FYB1: variants seen among roughly 807,000 people sequenced by gnomAD.
The protein encoded by FYB1 is FYN-binding protein 1.
Under a neutral mutation model 94.1 loss-of-function variants are expected in FYB1, and 41 were observed. That is an observed-to-expected ratio of 0.44 (90% confidence interval 0.34 to 0.57). The LOEUF (loss-of-function observed/expected upper bound fraction) is 0.57, where lower values mean the gene tolerates loss of function less well. Ranked by LOEUF, FYB1 falls within the 20% of genes least tolerant of loss-of-function variation. The pLI is 0.02. For synonymous variants in FYB1, 367 were observed against 353.2 expected (o/e 1.04, Z -0.44); for missense variants, 1,050 against 976.8 (o/e 1.07, Z -1.00).
At chr5:39,201,571 A>G (rs1372668416) in intron 2 of FYB1, among the ~76,000 whole-genome samples, 2 of 152,212 alleles carry the variant, frequency 1.3e-5, no homozygotes. Context: ...CCACGTATCA[A>G]TGAAGTGGAT....
At chr5:39,266,133 G>A (rs556981087) in intron 1 of FYB1, among the ~76,000 whole-genome samples, 5 of 152,236 alleles carry the variant, frequency 3.3e-5, no homozygotes, top group Non-Finnish European at 7.4e-5. Flanking sequence ...TTATTCTATT[G>A]TTTTCATTTT....
chr5:39,115,077 C>G (rs1739401675), intron 16 of FYB1, among the ~76,000 whole-genome samples: 1 of 149,858 alleles, frequency 6.7e-6, no homozygotes, highest in Non-Finnish European at 1.5e-5. Flanking sequence ...AATAAAGTAG[C>G]ATAGTAGGAT....
At chr5:39,197,094 A>G (rs1359127079) in intron 2 of FYB1, among the ~76,000 whole-genome samples, 3 of 152,214 alleles carry the variant, frequency 2.0e-5, no homozygotes, top group Admixed American at 6.5e-5. Flanking sequence ...TGAAAACAGT[A>G]TTAGTTTAAA....
At chr5:39,128,428 G>A (rs1266763977) in intron 10 of FYB1, among the ~76,000 whole-genome samples, 1 of 152,062 alleles carries the variant, frequency 6.6e-6, no homozygotes, top group Non-Finnish European at 1.5e-5. Flanking sequence ...TTGACTTTTA[G>A]TATGAGAACT....
At chr5:39,199,483 T>C (rs2150487302) in intron 2 of FYB1, among the ~76,000 whole-genome samples, 1 of 152,326 alleles carries the variant, frequency 6.6e-6, no homozygotes, top group African/African-American at 2.4e-5. Context: ...CACAAATTGT[T>C]AAATTGATTA....
chr5:39,150,437 T>C (rs1743141340), intron 3 of FYB1, among the ~76,000 whole-genome samples: 1 of 152,268 alleles, frequency 6.6e-6, no homozygotes, highest in African/African-American at 2.4e-5. Context: ...TTTAGTTCTT[T>C]TTGTTTATAA....
At chr5:39,112,560 T>G (rs1739167288) in intron 16 of FYB1, among the ~76,000 whole-genome samples, 1 of 152,070 alleles carries the variant, frequency 6.6e-6, no homozygotes, top group Admixed American at 6.6e-5. Flanking sequence ...TAATCACCAT[T>G]TTTAGAAATT....
chr5:39,139,442 G>A (rs1741957559), intron 4 of FYB1, 190 bp from the exon 5 acceptor site: 1 of 413,478 alleles, frequency 2.4e-6, no homozygotes, highest in Admixed American at 4.5e-5. Context: ...ATTTGTGCTG[G>A]TGACTTAATT....
chr5:39,140,073 T>C (rs1052017114), intron 4 of FYB1: 2 of 152,156 alleles, frequency 1.3e-5, no homozygotes, highest in Non-Finnish European at 2.9e-5. Context: ...AATGAGAACA[T>C]TTTTATTTTC....
intron 1 of FYB1, among the ~76,000 whole-genome samples, chr5:39,212,112 C>T (rs1749448944): frequency 1.3e-5 from 2 of 152,054 alleles, no homozygotes; most frequent in Admixed American, 6.6e-5. Context: ...TTGAGGCTAG[C>T]CTGGGCAACA....
rs146558242 is a variant in FYB1, at chr5:39,237,882, G to A, written c.-27-34895C>T. On this transcript the variant is annotated intron_variant, in intron 1 of 1. Transcript: ENST00000510188. ...GGCTAAAGCATCACTCAGGGAATGC[G>A]GATTAATAGATTCGTATGAACCTGT... 6.6e-5 allele frequency among the ~76,000 whole-genome samples: 10 copies of A among 152,132 alleles called. No homozygotes were observed. In the East Asian group the frequency reaches 9.7e-4, roughly 15 times the overall value.
chr5:39,177,577 A>G (rs1002841724), intron 2 of FYB1, among the ~76,000 whole-genome samples: 4 of 152,228 alleles, frequency 2.6e-5, no homozygotes, highest in African/African-American at 9.6e-5. Context: ...ATTGTGCTCA[A>G]ACTACTGATT....
intron 5 of FYB1, 29 bp from the exon 6 acceptor site, chr5:39,138,720 A>G (rs1345793079): frequency 6.2e-6 from 8 of 1,288,918 alleles, no homozygotes; most frequent in Non-Finnish European, 8.9e-6. Flanking sequence ...ATAATGATTA[A>G]TTTTTATTAT....
intron 1 of FYB1, among the ~76,000 whole-genome samples, chr5:39,250,356 C>A (rs1295121589): frequency 6.6e-6 from 1 of 152,092 alleles, no homozygotes; most frequent in African/African-American, 2.4e-5. Context: ...TTGTTAGAGA[C>A]AGAGGGAGGA....
At chr5:39,264,978 A>G (rs1381863898) in intron 1 of FYB1, among the ~76,000 whole-genome samples, 1 of 152,188 alleles carries the variant, frequency 6.6e-6, no homozygotes, top group Admixed American at 6.5e-5. Flanking sequence ...TTCCCAGGAA[A>G]AGTGGTTCTC....
intron 2 of FYB1, among the ~76,000 whole-genome samples, chr5:39,164,741 C>T (rs1212211620): frequency 6.6e-6 from 1 of 152,102 alleles, no homozygotes; most frequent in Non-Finnish European, 1.5e-5. Flanking sequence ...ATGACATACA[C>T]CCTTTTTAAG....
At chr5:39,250,030 C>T (rs1751648072) in intron 1 of FYB1, among the ~76,000 whole-genome samples, 1 of 152,170 alleles carries the variant, frequency 6.6e-6, no homozygotes, top group Non-Finnish European at 1.5e-5. Flanking sequence ...GGGCTCTTCT[C>T]CCTTTGCACT....
At chr5:39,118,602 G>A (rs1739781441) in intron 16 of FYB1, among the ~76,000 whole-genome samples, 1 of 152,254 alleles carries the variant, frequency 6.6e-6, no homozygotes, top group African/African-American at 2.4e-5. Context: ...GATGCTGATG[G>A]TCTGTAGTAC....
upstream of FYB1, among the ~76,000 whole-genome samples, chr5:39,221,808 C>T (rs184540453): frequency 5.3e-5 from 8 of 152,158 alleles, no homozygotes; most frequent in Non-Finnish European, 1.2e-4. Flanking sequence ...ACTAGCTTGG[C>T]CAGCATGGTG....
Sources: allele counts gnomAD v4.1 joint callset (sites outside exome capture counted in the v4.1 genomes callset), GRCh38; gene constraint gnomAD v4.1.1; transcripts MANE v1.5; gene names NCBI Gene and HGNC (gene_info 2026-07-23, HGNC 2026-07-21).